Variants in FBXL2 observed in about 807,000 individuals in gnomAD.
FBXL2 encodes the protein F-box/LRR-repeat protein 2.
A neutral mutation model predicts 69.2 loss-of-function variants in FBXL2; 38 were observed. The observed-to-expected ratio is 0.55, with a 90% CI of 0.42 to 0.72. The LOEUF is 0.72. Among genes scored for constraint, FBXL2 ranks in the 30% least tolerant of loss-of-function variants. The pLI is 0.00. For missense variants in FBXL2, 354 were observed against 520.3 expected, an observed-to-expected ratio of 0.68 and a Z score of 3.11; for synonymous variants, 192 against 201.3, an observed-to-expected ratio of 0.95 and a Z score of 0.39.
rs11339837 is a variant in FBXL2 at position 33,290,041 on chromosome 3, AC to A, written c.4-7622del. Among the ~76,000 whole-genome samples, 875 of 152,328 alleles carry A rather than the reference AC, an allele frequency of 5.7e-3. 10 individuals are homozygous for A. Among genetic ancestry groups the A allele is most frequent in the African/African-American group, 0.02 (843 of 41,566 alleles). ...CAAGGCACAGAAAGCAGAAGGTGCT[AC>A]TGGAGACCAAGGACAACACCCTAGC... On this transcript the variant is annotated intron_variant, in intron 1 of 14. Coordinates refer to ENST00000484457, the MANE Select transcript of FBXL2 (RefSeq NM_012157.5).
At chr3:33,302,922 A>G (rs1040485653) in intron 2 of FBXL2, among the ~76,000 whole-genome samples, 5 of 150,814 alleles carry the variant, frequency 3.3e-5, no homozygotes, top group African/African-American at 1.2e-4. Flanking sequence ...TTGTAAGCCA[A>G]TCCCATGAGT....
chr3:33,310,895 C>T (rs932446537), intron 2 of FBXL2, among the ~76,000 whole-genome samples: 30 of 152,192 alleles, frequency 2.0e-4, no homozygotes, highest in African/African-American at 7.0e-4. Context: ...CTGCCGCAGC[C>T]TCTTGAGTAG....
intron 2 of FBXL2, among the ~76,000 whole-genome samples, chr3:33,330,258 T>G (rs1265279979): frequency 6.8e-6 from 1 of 147,706 alleles, no homozygotes; most frequent in African/African-American, 2.5e-5. Context: ...TAGTCCAAAC[T>G]GGGTGATGGA....
the FBXL2 span, chr3:33,409,471 C>T: frequency 6.2e-7 from 1 of 1,614,166 alleles, no homozygotes; most frequent in Non-Finnish European, 8.5e-7. Context: ...GATTTGGCAG[C>T]TAGCTGAGTG....
chr3:33,320,240 A>AT (rs893719177), intron 2 of FBXL2, among the ~76,000 whole-genome samples: 8 of 152,194 alleles, frequency 5.3e-5, no homozygotes, highest in African/African-American at 1.9e-4. Flanking sequence ...ACAGTAAGGT[A>AT]TTTGGCATGG....
rs1325769971 is a variant in FBXL2, at chr3:33,373,075, A to G, written c.291-17A>G. ...CCAGCAACTTGCAGGGAGCTTTAAA[A>G]TGTTTTCTCATTTTAGGACCTTTGC... On this transcript the variant is annotated splice_polypyrimidine_tract_variant and intron_variant, in intron 5 of 14. Transcript: ENST00000484457. 3 of 1,613,412 alleles carry G rather than the reference A, an allele frequency of 1.9e-6. No individual in the cohort carries two copies. The highest frequency in any genetic ancestry group is 2.5e-6 in the Non-Finnish European group (3 of 1,179,290).
downstream of FBXL2, chr3:33,393,071 T>C (rs1028738658): frequency 1.4e-5 from 6 of 426,506 alleles, no homozygotes; most frequent in East Asian, 1.2e-4. Flanking sequence ...GCCCCAGTGA[T>C]TGGCTGCATC....
At chr3:33,313,380 A>G (rs1161757038) in intron 2 of FBXL2, among the ~76,000 whole-genome samples, 2 of 152,104 alleles carry the variant, frequency 1.3e-5, no homozygotes, top group East Asian at 1.9e-4. Context: ...GATGGTTTCA[A>G]TGGTGAATTC....
chr3:33,343,272 A>G (rs1019433453), intron 2 of FBXL2, among the ~76,000 whole-genome samples: 9 of 152,090 alleles, frequency 5.9e-5, no homozygotes, highest in Non-Finnish European at 1.2e-4. Flanking sequence ...ATAACAATTT[A>G]ATTTCTCTTA....
chr3:33,366,192 A>G (rs2041943160), intron 5 of FBXL2, among the ~76,000 whole-genome samples: 1 of 152,120 alleles, frequency 6.6e-6, no homozygotes, highest in Non-Finnish European at 1.5e-5. Context: ...TTGAATTGCC[A>G]TGTATTATTT....
chr3:33,354,008 G>C (rs983098001), intron 2 of FBXL2, among the ~76,000 whole-genome samples: 1 of 152,152 alleles, frequency 6.6e-6, no homozygotes, highest in African/African-American at 2.4e-5. Flanking sequence ...TACATGACAT[G>C]CATTTGGCAA....
At chr3:33,346,653 CA>C (rs57767559) in intron 2 of FBXL2, among the ~76,000 whole-genome samples, 39,169 of 151,786 alleles carry the variant, frequency 0.26, 5,945 homozygotes, top group East Asian at 0.47. Flanking sequence ...TAAGTGAAAC[CA>C]AAAGCCAGTT....
chr3:33,422,295 C>T, the FBXL2 span, among the ~76,000 whole-genome samples: 14 of 151,946 alleles, frequency 9.2e-5, no homozygotes, highest in Non-Finnish European at 1.8e-4. Context: ...ATCCCAGCTA[C>T]TCAGAAGGCC....
chr3:33,345,424 A>G (rs571600133), intron 2 of FBXL2, among the ~76,000 whole-genome samples: 4 of 152,328 alleles, frequency 2.6e-5, no homozygotes, highest in Admixed American at 2.0e-4. Flanking sequence ...AATTCATTTT[A>G]TGAGACTAGG....
intron 2 of FBXL2, among the ~76,000 whole-genome samples, chr3:33,305,710 T>G (rs2036654537): frequency 6.6e-6 from 1 of 151,992 alleles, no homozygotes; most frequent in African/African-American, 2.4e-5. Flanking sequence ...AATTATTACT[T>G]TAATTTGTTA....
intron 2 of FBXL2, chr3:33,298,078 A>C: frequency 3.9e-6 from 1 of 256,694 alleles, no homozygotes; most frequent in Non-Finnish European, 7.6e-6. Flanking sequence ...CTGAAGTCAT[A>C]AAGTTTTTGA....
At chr3:33,279,074 T>A (rs1307718710) in intron 1 of FBXL2, among the ~76,000 whole-genome samples, 1 of 152,240 alleles carries the variant, frequency 6.6e-6, no homozygotes, top group Non-Finnish European at 1.5e-5. Context: ...AAGCATTTAC[T>A]GTAGTTTTGT....
intron 4 of FBXL2, among the ~76,000 whole-genome samples, chr3:33,363,701 G>T (rs957991506): frequency 5.9e-5 from 9 of 152,116 alleles, no homozygotes; most frequent in Non-Finnish European, 1.3e-4. Flanking sequence ...TGCCCTAAGG[G>T]ATCTTCTGTA....
chr3:33,390,066 G>A, downstream of FBXL2: 1 of 427,526 alleles, frequency 2.3e-6, no homozygotes, highest in South Asian at 6.8e-5. Flanking sequence ...CTCTGCCAGA[G>A]CAGCAGGCAG....
Sources: gnomAD v4.1 joint callset for allele counts (sites outside exome capture counted in the v4.1 genomes callset) on GRCh38, gnomAD v4.1.1 for gene constraint, MANE v1.5 for transcripts, NCBI Gene and HGNC (gene_info 2026-07-23, HGNC 2026-07-21) for gene names.